ATP7A: variants seen among roughly 807,000 people sequenced by gnomAD.
ATP7A encodes the protein ATPase copper transporting alpha, also known as copper-transporting ATPase 1.
In ATP7A, 7 loss-of-function variants were observed where a neutral mutation model predicts 83.5. That is an observed-to-expected ratio of 0.08 (90% CI 0.05 to 0.16). ATP7A has a LOEUF of 0.16. Ranked by LOEUF, ATP7A falls within the 10% of genes least tolerant of loss-of-function variation. ATP7A has a pLI of 1.00. For synonymous variants in ATP7A, 354 were observed against 395.2 expected, an observed-to-expected ratio of 0.90 and a Z score of 1.24; for missense variants, 940 against 1,120.8, an observed-to-expected ratio of 0.84 and a Z score of 2.30.
intron 1 of ATP7A, among the ~76,000 whole-genome samples, chrX:77,971,142 A>C (rs1194591971): frequency 8.9e-6 from 1 of 112,112 alleles, no homozygotes; most frequent in Non-Finnish European, 1.9e-5. Flanking sequence ...CCAGGAGGCC[A>C]GTATGACTGG....
intron 1 of ATP7A, among the ~76,000 whole-genome samples, chrX:77,948,914 C>T (rs781910731): frequency 4.5e-5 from 5 of 111,006 alleles, no homozygotes; most frequent in South Asian, 3.8e-4. Flanking sequence ...ATTCTGGAGA[C>T]GGAGTCTTGC....
At chrX:77,967,824 A>G (rs2149070988) in intron 1 of ATP7A, among the ~76,000 whole-genome samples, 1 of 112,133 alleles carries the variant, frequency 8.9e-6, no homozygotes, top group African/African-American at 3.2e-5. Context: ...AGCTCCACAG[A>G]AATTAGTTGG....
At chrX:77,929,117 G>A (rs2077258426) in intron 1 of ATP7A, among the ~76,000 whole-genome samples, 1 of 111,992 alleles carries the variant, frequency 8.9e-6, no homozygotes, top group African/African-American at 3.2e-5. Context: ...AAAGATTAAT[G>A]TGTTTCTTTT....
intron 1 of ATP7A, among the ~76,000 whole-genome samples, chrX:77,938,233 C>T (rs1209192814): frequency 8.9e-6 from 1 of 112,031 alleles, no homozygotes; most frequent in Non-Finnish European, 1.9e-5. Flanking sequence ...AAACTTTTTC[C>T]ACTGCTTGAG....
chrX:77,998,330 A>C, intron 4 of ATP7A, 148 bp from the exon 5 acceptor site: 1 of 551,447 alleles, frequency 1.8e-6, no homozygotes. Context: ...GAAAGTGTAG[A>C]GATAACTTAA....
At chrX:78,016,117 T>C (rs1330759133) in intron 12 of ATP7A, among the ~76,000 whole-genome samples, 1 of 111,574 alleles carries the variant, frequency 9.0e-6, no homozygotes, top group African/African-American at 3.3e-5. Context: ...AGCCAAGAGA[T>C]TTAATTGACT....
At position 78,013,013 on chromosome X, in the gene ATP7A, G is replaced by A; in HGVS notation, c.2307G>A (p.Met769Ile). 1 of 1,210,975 alleles carries A rather than the reference G, an allele frequency of 8.3e-7. No homozygotes were observed. The highest frequency in any genetic ancestry group is 1.1e-6 in the Non-Finnish European group (1 of 894,988). The change falls in exon 10 of 23, where the codon ATG becomes ATA. Residue 769 changes from methionine to isoleucine, a missense_variant. Met to Ile is a conservative substitution (Grantham distance 10). Transcript: ENST00000341514. ...AYSLIILLVA[M>I]YERAKVNPIT... ...CTTTGATTATTCTTCTAGTTGCAAT[G>A]TATGAGAGAGCCAAAGTGAACCCTA...
In ATP7A at chrX:77,984,332, C is replaced by CT. The variant is rs1183178308; in HGVS notation, c.121-3897dup. Among the ~76,000 whole-genome samples the CT allele has an allele frequency of 4.9e-3, 506 of 102,646 alleles. 4 individuals are homozygous for CT. The highest frequency in any genetic ancestry group is 0.015 in the African/African-American group (440 of 28,480). 89.1% of individuals were successfully genotyped at this position (102,646 alleles called of 115,157 possible). ...AAATATTTGTTGAATACATAAGTAC[C>CT]TTTTTTTTTTTTTGAGGCGAAGTCT... On this transcript the variant is annotated intron_variant, in intron 2 of 22. Transcript: ENST00000341514.
intron 1 of ATP7A, among the ~76,000 whole-genome samples, chrX:77,948,359 C>T (rs1232030516): frequency 9.3e-6 from 1 of 107,879 alleles, no homozygotes; most frequent in Non-Finnish European, 1.9e-5. Context: ...ATCTCCTGAC[C>T]TCGTGATCCG....
At chrX:78,002,348 C>G (rs1360192913) in intron 5 of ATP7A, among the ~76,000 whole-genome samples, 1 of 106,774 alleles carries the variant, frequency 9.4e-6, no homozygotes, top group African/African-American at 3.4e-5. Flanking sequence ...TCCCGAAGTT[C>G]TGGGATTGCA....
intron 2 of ATP7A, among the ~76,000 whole-genome samples, chrX:77,987,774 A>AT (rs1388403767): frequency 1.8e-5 from 2 of 111,004 alleles, no homozygotes; most frequent in Admixed American, 9.7e-5. Context: ...CATTATTTTT[A>AT]TTTTTTTAAA....
chrX:78,023,394 T>C (rs782313052), intron 14 of ATP7A, among the ~76,000 whole-genome samples: 2 of 112,631 alleles, frequency 1.8e-5, no homozygotes, highest in South Asian at 3.6e-4. Context: ...TCCGTAGAGG[T>C]TGAACTGATT....
rs948998838 is a variant in ATP7A at position 78,049,127 on chromosome X, A to G, written c.*2557A>G. ...CAATCTTGAACTTTCATTAGCTTCA[A>G]AGAGAAGCTGTATTTACAGGAGAAA... On this transcript the variant is annotated 3_prime_UTR_variant, in exon 23 of 23. Coordinates refer to ENST00000341514, the MANE Select transcript of ATP7A (RefSeq NM_000052.7). The G allele has an allele frequency of 2.7e-5, 3 of 112,160 alleles. No homozygotes were observed. Among genetic ancestry groups the G allele is most frequent in the East Asian group, 5.5e-4 (2 of 3,608 alleles). The allele number at this position is 112,160 out of a possible 1,213,427, so 9.2% of individuals were successfully genotyped here.
intron 16 of ATP7A, 26 bp downstream of exon 16, chrX:78,031,608 A>C (rs1415559451): frequency 1.7e-6 from 2 of 1,180,811 alleles, no homozygotes; most frequent in Non-Finnish European, 2.3e-6. Context: ...CTTGTTTATT[A>C]GTGTAGTCAT....
intron 6 of ATP7A, among the ~76,000 whole-genome samples, chrX:78,006,879 C>T (rs191804434): frequency 4.5e-4 from 50 of 112,327 alleles, no homozygotes; most frequent in African/African-American, 1.5e-3. Context: ...GAATATACTA[C>T]ATTTTGTTGA....
intron 14 of ATP7A, among the ~76,000 whole-genome samples, chrX:78,021,662 A>G (rs147316432): frequency 2.1e-4 from 23 of 111,805 alleles, no homozygotes; most frequent in African/African-American, 7.5e-4. Flanking sequence ...TTAGATATAT[A>G]AACTTTAAGT....
chrX:78,016,543 C>T (rs1272006489), intron 12 of ATP7A, among the ~76,000 whole-genome samples: 1 of 111,540 alleles, frequency 9.0e-6, no homozygotes, highest in Non-Finnish European at 1.9e-5. Context: ...TGAGACAAGA[C>T]AAGTCCCTTC....
At position 78,002,954 on chromosome X, in the gene ATP7A, C is replaced by T. The variant is rs974650384; in HGVS notation, c.1544-119C>T. 2.1e-4 allele frequency: 166 copies of T among 782,973 alleles called. 1 individual carries two copies. Among genetic ancestry groups the T allele is most frequent in the Non-Finnish European group, 3.0e-4 (161 of 545,528 alleles). 64.5% of individuals were successfully genotyped at this position (782,973 alleles called of 1,213,427 possible). ...TATAAAAGTTAAATTTCTCCAGATT[C>T]AAATCCTTTAATACTTAAGAGAAAT... On this transcript the variant is annotated intron_variant, in intron 5 of 22. Transcript: ENST00000341514.
rs782688596 is a variant in ATP7A at position 77,988,494 on chromosome X, G to C, written c.373G>C (p.Val125Leu). 1.7e-6 allele frequency: 2 copies of C among 1,211,650 alleles called. No individual in the cohort carries two copies. Among genetic ancestry groups the C allele is most frequent in the Admixed American group, 4.3e-5 (2 of 45,995 alleles). The stretch of plus-strand genomic sequence containing the variant: ...TAAAATTTACCCTCAGAAAAGAACT[G>C]TAGCAGTGACAATAATCCCTTCTAT... Reference protein sequence around the residue: ...DIKIYPQKRTVAVTIIPSIVN... With the variant: ...DIKIYPQKRTLAVTIIPSIVN... Residue 125 changes from valine (V) to leucine (L), a missense_variant, in exon 3 of 23, where the codon GTA becomes CTA. By Grantham distance (32) the Val-to-Leu change is conservative. Around this residue, in one of 3 missense-constraint regions of ATP7A, gnomAD observed 350 missense variants for 432.8 expected, o/e 0.81. Coordinates refer to ENST00000341514, the MANE Select transcript of ATP7A (RefSeq NM_000052.7).
Sources: gnomAD v4.1 joint callset for allele counts (sites outside exome capture counted in the v4.1 genomes callset) on GRCh38, gnomAD v4.1.1 for gene constraint, gnomAD v4.1.1 regional missense constraint, MANE v1.5 for transcripts, NCBI Gene and HGNC (gene_info 2026-07-23, HGNC 2026-07-21) for gene names.